The following FCRLA variants were observed in gnomAD, a reference collection of about 807,000 sequenced individuals.
FCRLA encodes the protein Fc receptor like A, also known as Fc receptor-like A.
In FCRLA, 26 loss-of-function variants were observed where a neutral mutation model predicts 28.4. The ratio of observed to expected loss-of-function variants is 0.91; its 90% CI spans 0.67 to 1.27. The LOEUF is 1.27. Ranked by LOEUF, FCRLA falls within the 50% of genes most tolerant of loss-of-function variation. FCRLA has a pLI of 0.00. For synonymous variants in FCRLA, 174 were observed against 168.5 expected, an observed-to-expected ratio of 1.03 and a Z score of -0.25; for missense variants, 422 against 433.1, an observed-to-expected ratio of 0.97 and a Z score of 0.23.
rs747317646 is a variant in FCRLA at position 161,712,192 on chromosome 1, GC to G, written c.763del (p.Gln255SerfsTer2). 6 of 1,613,752 alleles carry G rather than the reference GC, an allele frequency of 3.7e-6. No individual in the cohort carries two copies. In the East Asian group the frequency reaches 1.3e-4, roughly 36 times the overall value. ...ATEDNQVWKQ[S>X]PQLEIRVQGA... The stretch of plus-strand genomic sequence containing the variant: ...GAGGACAACCAAGTTTGGAAACAGA[GC>G]CCCCAGCTAGAGATCAGAGTGCAGG... On this transcript the variant is annotated frameshift_variant, in exon 4 of 5. Coordinates refer to ENST00000236938, the MANE Select transcript of FCRLA (RefSeq NM_032738.4). LOFTEE classifies it low-confidence loss of function (END_TRUNC).
intron 1 of FCRLA, 91 bp downstream of exon 1, chr1:161,707,434 G>A (rs1682871434): frequency 2.1e-6 from 3 of 1,408,934 alleles, no homozygotes; most frequent in Non-Finnish European, 2.9e-6. Context: ...GACTAATTCT[G>A]GCCCTCCAAA....
At chr1:161,709,480 T>C (rs1028592331) in intron 1 of FCRLA, among the ~76,000 whole-genome samples, 3 of 152,032 alleles carry the variant, frequency 2.0e-5, no homozygotes, top group Admixed American at 1.3e-4. Flanking sequence ...AGAGCACAGA[T>C]GAGTGACAGT....
chr1:161,710,300 G>A (rs112128323), intron 1 of FCRLA: 3 of 622,932 alleles, frequency 4.8e-6, no homozygotes, highest in South Asian at 1.9e-5. Context: ...ATTATAAAAT[G>A]AGGATAAAGT....
intron 4 of FCRLA, among the ~76,000 whole-genome samples, chr1:161,712,430 C>T (rs113558856): frequency 1.6e-4 from 24 of 152,274 alleles, no homozygotes; most frequent in African/African-American, 5.8e-4. Flanking sequence ...CCTCACCAGA[C>T]CAAGAGCTGA....
rs776903604 is a variant in FCRLA, at chr1:161,710,852, G to C, written c.172G>C (p.Ala58Pro). 3.7e-6 allele frequency: 6 copies of C among 1,613,994 alleles called. No individual in the cohort carries two copies. Among genetic ancestry groups the C allele is most frequent in the Admixed American group, 1.7e-5 (1 of 60,030 alleles). The change falls in exon 2 of 5, where the codon GCT becomes CCT. Residue 58 changes from alanine to proline, a missense_variant. Physicochemically the swap from Ala to Pro is conservative, Grantham distance 27. This residue lies in a region of FCRLA where 231 missense variants were observed against 214.6 expected (regional missense o/e 1.08). Coordinates refer to ENST00000236938, the MANE Select transcript of FCRLA (RefSeq NM_032738.4). ...TEDDLTDARE[A>P]GFQVKAYTFS... ...GGATGACTTGACTGATGCAAGGGAA[G>C]CTGGCTTCCAGGTCAAGGCCTACAC... is the stretch of plus-strand genomic sequence containing the variant.
At position 161,707,964 on chromosome 1, in the gene FCRLA, A is replaced by G. The variant is rs143293541; in HGVS notation, c.79+621A>G. The stretch of plus-strand genomic sequence containing the variant: ...CTTGCCTCTGTACTCCTCTTTCTTT[A>G]CACAATCTCCTTCATGAGCTTATTT... On this transcript the variant is annotated intron_variant, in intron 1 of 4. Transcript: ENST00000236938. 1.1e-4 allele frequency among the ~76,000 whole-genome samples: 16 copies of G among 152,234 alleles called. No homozygotes were observed. In the Middle Eastern group the frequency reaches 0.01, roughly 97 times the overall value.
At position 161,710,744 on chromosome 1, in the gene FCRLA, G is replaced by T. The variant is rs1400049259; in HGVS notation, c.80-16G>T. ...ATCATCATTTTCTGGTTCTCCCTGGGCCATGCCCTCTTCAGCTGCCAGTTT... is the reference window on the plus strand; with the variant it reads ...ATCATCATTTTCTGGTTCTCCCTGGTCCATGCCCTCTTCAGCTGCCAGTTT... On this transcript the variant is annotated splice_polypyrimidine_tract_variant and intron_variant, in intron 1 of 4. Coordinates refer to ENST00000236938, the MANE Select transcript of FCRLA (RefSeq NM_032738.4). 3 of 1,614,102 alleles carry T rather than the reference G, an allele frequency of 1.9e-6. No individual in the cohort carries two copies. Among genetic ancestry groups the T allele is most frequent in the Admixed American group, 3.3e-5 (2 of 60,016 alleles).
rs778158308 is a variant in FCRLA at position 161,713,090 on chromosome 1, T to C, written c.790T>C (p.Ser264Pro). 3.1e-6 allele frequency: 5 copies of C among 1,611,874 alleles called. No individual in the cohort carries two copies. The African/African-American group carries it at 6.7e-5, about 22-fold the overall frequency. Residue 264 changes from serine to proline, a missense_variant, in exon 5 of 5, where the codon TCC (serine) becomes CCC (proline). Coordinates refer to ENST00000236938, the MANE Select transcript of FCRLA (RefSeq NM_032738.4). Reference protein sequence around the residue: ...PQLEIRVQGASSSAAPPTLNP... With the variant: ...PQLEIRVQGAPSSAAPPTLNP... ...CCTCCTGCCCCATAATTCAGGTGCT[T>C]CCAGCTCTGCTGCACCTCCCACATT...
At chr1:161,707,425 A>T in intron 1 of FCRLA, 82 bp downstream of exon 1, 1 of 1,450,286 alleles carries the variant, frequency 6.9e-7, no homozygotes, top group Non-Finnish European at 9.2e-7. Context: ...AGAAACATGG[A>T]CTAATTCTGG....
chr1:161,713,306 G>C lies in FCRLA; in HGVS notation c.1006G>C (p.Gly336Arg). ...CATGCAGGATGTGAGAGTCCTCCTCGGTCACCTGCTCATGGAGTTGAGGGA... is the reference window on the plus strand; with the variant it reads ...CATGCAGGATGTGAGAGTCCTCCTCCGTCACCTGCTCATGGAGTTGAGGGA... ...KHMQDVRVLLGHLLMELRELS... is the reference protein window; with the variant it reads ...KHMQDVRVLLRHLLMELRELS... Residue 336 changes from glycine (G) to arginine (R), a missense_variant, in exon 5 of 5, where the codon GGT (glycine) becomes CGT (arginine). This residue lies in a region of FCRLA where 185 missense variants were observed against 198.1 expected (regional missense o/e 0.93). Transcript: ENST00000236938. 1.2e-6 allele frequency: 2 copies of C among 1,614,178 alleles called. No homozygotes were observed. The highest frequency in any genetic ancestry group is 2.2e-5 in the South Asian group (2 of 91,084).
Position 161,713,679 on chromosome 1 carries a change from A to G in FCRLA, c.*299A>G. 4.3e-6 allele frequency: 1 copy of G among 230,244 alleles called. No individual in the cohort carries two copies. Among genetic ancestry groups the G allele is most frequent in the South Asian group, 8.7e-5 (1 of 11,520 alleles). The allele number at this position is 230,244 out of a possible 1,614,324, so 14.3% of individuals were successfully genotyped here. ...GAACTAATGGAAGTGGATTGAATAC[A>G]GCAGTCTCAACTGGGGGCAATTTTG... On this transcript the variant is annotated 3_prime_UTR_variant, in exon 5 of 5. Coordinates refer to ENST00000236938, the MANE Select transcript of FCRLA (RefSeq NM_032738.4).
chr1:161,712,600 C>A (rs1485076677), intron 4 of FCRLA, among the ~76,000 whole-genome samples: 1 of 152,172 alleles, frequency 6.6e-6, no homozygotes, highest in African/African-American at 2.4e-5. Context: ...ACCTGAAACA[C>A]TCCCAGAAGA....
Position 161,712,016 on chromosome 1 carries a change from A to C in FCRLA, c.582A>C (p.Thr194=). ...GCCCCATGACCCTGAGTTGTCAGAC[A>C]AAGTTGCCCCTGCAGAGGTCAGCTG... is the stretch of plus-strand genomic sequence containing the variant. ...AGSPMTLSCQ[T]KLPLQRSAAR... Residue 194 remains threonine (T), a synonymous_variant, in exon 4 of 5, where the codon ACA becomes ACC. Transcript: ENST00000236938. The C allele has an allele frequency of 6.2e-7, 1 of 1,614,186 alleles. No homozygotes were observed. Among genetic ancestry groups the C allele is most frequent in the Non-Finnish European group, 8.5e-7 (1 of 1,180,040 alleles).
intron 1 of FCRLA, 141 bp from the exon 2 acceptor site, chr1:161,710,619 T>C (rs1683045250): frequency 1.4e-6 from 2 of 1,418,492 alleles, no homozygotes; most frequent in Admixed American, 4.0e-5. Context: ...TCAGGGGTCT[T>C]TCCGAAAAAA....
rs1265258409 is a variant in FCRLA at position 161,713,201 on chromosome 1, T to C, written c.901T>C (p.Ser301Pro). 1 of 1,614,210 alleles carries C rather than the reference T, an allele frequency of 6.2e-7. No individual in the cohort carries two copies. The highest frequency in any genetic ancestry group is 1.7e-5 in the Admixed American group (1 of 60,030). Residue 301 changes from serine (S) to proline (P), a missense_variant, in exon 5 of 5, where the codon TCT (serine) becomes CCT (proline). Physicochemically the swap from Ser to Pro is moderately conservative, Grantham distance 74 (BLOSUM62 -1). Transcript: ENST00000236938. ...TCTGCCTCCGCCGCCAACCCCATCT[T>C]CTGAGGATCCAGGCTTTTCTTCTCC... ...GPLPPPPTPS[S>P]EDPGFSSPLG...
chr1:161,710,255 A>T (rs1310639576), intron 1 of FCRLA: 1 of 577,904 alleles, frequency 1.7e-6, no homozygotes, highest in African/African-American at 1.9e-5. Flanking sequence ...AGCTTTGGGT[A>T]TGTTAATTTG....
At chr1:161,710,634 A>T (rs1434391920) in intron 1 of FCRLA, 126 bp from the exon 2 acceptor site, 4 of 1,420,358 alleles carry the variant, frequency 2.8e-6, no homozygotes, top group Non-Finnish European at 3.9e-6. Context: ...AAAAAAAAAA[A>T]GGTTTTGATG....
chr1:161,712,283 A>G, intron 4 of FCRLA, 65 bp downstream of exon 4: 1 of 1,549,462 alleles, frequency 6.5e-7, no homozygotes, highest in Non-Finnish European at 8.7e-7. Context: ...GAGGGATAGG[A>G]TAAATTGACC....
chr1:161,713,293 G>C lies in FCRLA; in HGVS notation c.993G>C (p.Val331=). ...MGLLLKHMQD[V]RVLLGHLLME... ...TTCTTCTCAAACACATGCAGGATGT[G>C]AGAGTCCTCCTCGGTCACCTGCTCA... The change falls in exon 5 of 5, where the codon GTG becomes GTC. Residue 331 remains valine, a synonymous_variant. Transcript: ENST00000236938. The C allele has an allele frequency of 1.2e-6, 2 of 1,614,232 alleles. No individual in the cohort carries two copies. The highest frequency in any genetic ancestry group is 2.2e-5 in the South Asian group (2 of 91,084).
Sources: gnomAD v4.1 joint callset for allele counts (sites outside exome capture counted in the v4.1 genomes callset) on GRCh38, gnomAD v4.1.1 for gene constraint, gnomAD v4.1.1 regional missense constraint, MANE v1.5 for transcripts, NCBI Gene and HGNC (gene_info 2026-07-23, HGNC 2026-07-21) for gene names.